The following CLEC16A variants were observed in gnomAD, a reference collection of about 807,000 sequenced individuals.
The protein encoded by CLEC16A is C-type lectin domain containing 16A.
Under a neutral mutation model 109.5 loss-of-function variants are expected in CLEC16A, and 51 were observed. That is an observed-to-expected ratio of 0.47 (90% CI 0.37 to 0.59). The LOEUF is 0.59. Ranked by LOEUF, CLEC16A falls within the 20% of genes least tolerant of loss-of-function variation. CLEC16A has a pLI of 0.00. For missense variants in CLEC16A, 1,339 were observed against 1,394.0 expected (o/e 0.96, Z 0.63); for synonymous variants, 673 against 564.2 (o/e 1.19, Z -2.73).
chr16:11,130,820 G>A (rs1253798621), intron 22 of CLEC16A, among the ~76,000 whole-genome samples: 2 of 152,216 alleles, frequency 1.3e-5, no homozygotes, highest in African/African-American at 4.8e-5. Context: ...CCAGACAAGG[G>A]TGTTTTATTA....
At chr16:11,002,647 T>G (rs534721296) in intron 10 of CLEC16A, among the ~76,000 whole-genome samples, 1 of 151,814 alleles carries the variant, frequency 6.6e-6, no homozygotes, top group African/African-American at 2.4e-5. Flanking sequence ...ATCCACCCCC[T>G]CCAAGTCCAC....
intron 12 of CLEC16A, among the ~76,000 whole-genome samples, chr16:11,022,358 T>C (rs1014901382): frequency 2.0e-5 from 3 of 146,802 alleles, no homozygotes; most frequent in Non-Finnish European, 4.5e-5. Flanking sequence ...TTTTTTTTTT[T>C]TTTGCAAAGA....
At chr16:10,987,800 T>C (rs1307615577) in intron 10 of CLEC16A, among the ~76,000 whole-genome samples, 1 of 152,214 alleles carries the variant, frequency 6.6e-6, no homozygotes, top group Non-Finnish European at 1.5e-5. Context: ...ATTATACTTG[T>C]TTTAAGTTTC....
At chr16:10,987,422 G>A (rs2043739365) in intron 10 of CLEC16A, among the ~76,000 whole-genome samples, 1 of 152,166 alleles carries the variant, frequency 6.6e-6, no homozygotes, top group African/African-American at 2.4e-5. Flanking sequence ...GTGTTTAGGA[G>A]ATCTGTCCTC....
chr16:11,008,527 G>A (rs1035040918), intron 11 of CLEC16A, among the ~76,000 whole-genome samples: 5 of 152,126 alleles, frequency 3.3e-5, no homozygotes, highest in African/African-American at 9.7e-5. Context: ...GGGCCCTCAG[G>A]ACTCTCCTGG....
chr16:11,047,596 GA>G (rs1051588416), intron 17 of CLEC16A: 3 of 320,814 alleles, frequency 9.4e-6, no homozygotes, highest in African/African-American at 6.5e-5. Context: ...TAATTTTGGG[GA>G]CAGTATCATT....
chr16:11,020,169 C>T (rs2046010074), intron 11 of CLEC16A, 24 bp from the exon 12 acceptor site: 5 of 1,600,234 alleles, frequency 3.1e-6, no homozygotes, highest in Non-Finnish European at 4.3e-6. Context: ...CTGGACTCAT[C>T]CCAGTCTCCA....
chr16:10,998,948 C>T (rs2044494542), intron 10 of CLEC16A, among the ~76,000 whole-genome samples: 1 of 152,204 alleles, frequency 6.6e-6, no homozygotes, highest in Non-Finnish European at 1.5e-5. Context: ...CAAATTCTAC[C>T]AGCCTCTGCA....
intron 18 of CLEC16A, among the ~76,000 whole-genome samples, chr16:11,055,552 C>T (rs1354659239): frequency 7.2e-6 from 1 of 138,228 alleles, no homozygotes; most frequent in East Asian, 2.2e-4. Flanking sequence ...AGGCATCTCA[C>T]GATAACGCCG....
At chr16:11,008,278 A>G (rs1211771434) in intron 11 of CLEC16A, among the ~76,000 whole-genome samples, 2 of 152,196 alleles carry the variant, frequency 1.3e-5, no homozygotes, top group Non-Finnish European at 2.9e-5. Context: ...CACAGAGGGC[A>G]ACTGAGAAAA....
chr16:11,114,226 A>G (rs2051813487), intron 19 of CLEC16A, among the ~76,000 whole-genome samples: 2 of 149,094 alleles, frequency 1.3e-5, no homozygotes, highest in African/African-American at 5.0e-5. Context: ...TCATCTGTGA[A>G]TGGCCTATGC....
intron 18 of CLEC16A, among the ~76,000 whole-genome samples, chr16:11,055,292 G>A (rs533501382): frequency 8.5e-5 from 13 of 152,304 alleles, no homozygotes; most frequent in African/African-American, 2.6e-4. Context: ...GCTGAGGAGC[G>A]CTCCTCCTGC....
intron 13 of CLEC16A, among the ~76,000 whole-genome samples, chr16:11,036,544 C>CTTTTTTTTTTTTTTTTTTT (rs71404440): frequency 3.8e-5 from 5 of 131,944 alleles, no homozygotes; most frequent in African/African-American, 1.2e-4. Context: ...TCTAATTTTC[C>CTTTTTTTTTTTTTTTTTTT]TTTTTTTTTT....
At chr16:11,011,623 T>C (rs901902437) in intron 11 of CLEC16A, among the ~76,000 whole-genome samples, 4 of 152,188 alleles carry the variant, frequency 2.6e-5, no homozygotes, top group South Asian at 2.1e-4. Flanking sequence ...GAGGCCAAGA[T>C]TTGGGCACTG....
intron 10 of CLEC16A, among the ~76,000 whole-genome samples, chr16:10,985,745 G>A (rs1247343534): frequency 6.6e-6 from 1 of 151,960 alleles, no homozygotes; most frequent in African/African-American, 2.4e-5. Flanking sequence ...ATTTTGAGAT[G>A]GAGTCTCTGT....
intron 16 of CLEC16A, among the ~76,000 whole-genome samples, chr16:11,046,714 G>A (rs796160498): frequency 1.4e-4 from 21 of 152,280 alleles, no homozygotes; most frequent in African/African-American, 4.6e-4. Context: ...GCTGGATTTG[G>A]TTATGTGTAT....
rs1332899801 is a variant in CLEC16A at position 10,961,039 on chromosome 16, G to A, written c.210-1416G>A. ...AAAAATCTAGGTTCATGGATTTTAT[G>A]CTAGACCTACCCTGTCAATCCCCGG... On this transcript the variant is annotated intron_variant, in intron 2 of 23. Coordinates refer to ENST00000409790, the MANE Select transcript of CLEC16A (RefSeq NM_015226.3). The surrounding 1 kb of genome is among the most constrained non-coding windows in gnomAD (Gnocchi z 4.3). 6.6e-6 allele frequency among the ~76,000 whole-genome samples: 1 copy of A among 152,124 alleles called. No individual in the cohort carries two copies. Among genetic ancestry groups the A allele is most frequent in the East Asian group, 1.9e-4 (1 of 5,196 alleles).
intron 11 of CLEC16A, among the ~76,000 whole-genome samples, chr16:11,016,380 A>C: frequency 6.9e-6 from 1 of 144,184 alleles, no homozygotes; most frequent in South Asian, 2.2e-4. Flanking sequence ...ACAGAGTCTC[A>C]CTCTGTCACC....
chr16:11,055,791 G>A (rs2048184042), intron 18 of CLEC16A, among the ~76,000 whole-genome samples: 1 of 151,670 alleles, frequency 6.6e-6, no homozygotes, highest in Admixed American at 6.6e-5. Context: ...TCCCCAGTCT[G>A]TTGGCCAGGC....
Sources: allele counts gnomAD v4.1 joint callset (sites outside exome capture counted in the v4.1 genomes callset), GRCh38; gene constraint gnomAD v4.1.1; non-coding constraint Gnocchi (gnomAD v3.1); transcripts MANE v1.5; gene names NCBI Gene and HGNC (gene_info 2026-07-23, HGNC 2026-07-21).